The following GTF2E2 variants were observed in gnomAD, a reference collection of about 807,000 sequenced individuals.
The protein encoded by GTF2E2 is general transcription factor IIE subunit 2, also known as transcription initiation factor IIE subunit beta.
In GTF2E2, 21 loss-of-function variants were observed where a neutral mutation model predicts 40.5. The observed-to-expected ratio is 0.52, with a 90% CI of 0.37 to 0.75. The LOEUF (loss-of-function observed/expected upper bound fraction) is 0.75, where lower values mean the gene tolerates loss of function less well. Among genes scored for constraint, GTF2E2 ranks in the 30% least tolerant of loss-of-function variants. The pLI, the probability that GTF2E2 is intolerant of heterozygous loss-of-function variation, is 0.00. For missense variants in GTF2E2, 298 were observed against 338.4 expected (o/e 0.88, Z 0.94); for synonymous variants, 117 against 121.6 (o/e 0.96, Z 0.25).
intron 3 of GTF2E2, among the ~76,000 whole-genome samples, chr8:30,628,782 T>G (rs1445194379): frequency 6.6e-6 from 1 of 151,818 alleles, no homozygotes; most frequent in African/African-American, 2.4e-5. Flanking sequence ...ATACAAAAAA[T>G]TAGCCGGGTG....
chr8:30,608,908 C>T (rs1255927368), intron 5 of GTF2E2, among the ~76,000 whole-genome samples: 1 of 152,168 alleles, frequency 6.6e-6, no homozygotes, highest in Non-Finnish European at 1.5e-5. Context: ...GCCACCACGC[C>T]CGGCTAATTT....
At chr8:30,639,449 C>T (rs1433722391) in intron 2 of GTF2E2, among the ~76,000 whole-genome samples, 1 of 152,086 alleles carries the variant, frequency 6.6e-6, no homozygotes. Context: ...AACTGATCCT[C>T]AAAATAAATA....
chr8:30,584,164 T>C (rs552049096), intron 6 of GTF2E2, among the ~76,000 whole-genome samples: 1 of 151,650 alleles, frequency 6.6e-6, no homozygotes, highest in African/African-American at 2.4e-5. Context: ...AAGATTTCCT[T>C]CATGTTGGTT....
chr8:30,629,304 T>A (rs1351552940), intron 3 of GTF2E2, among the ~76,000 whole-genome samples: 2 of 152,052 alleles, frequency 1.3e-5, no homozygotes, highest in African/African-American at 4.8e-5. Flanking sequence ...GACTCCAGAG[T>A]TTCTAAATTC....
At chr8:30,640,868 C>T (rs1016022703) in intron 2 of GTF2E2, among the ~76,000 whole-genome samples, 3 of 152,270 alleles carry the variant, frequency 2.0e-5, no homozygotes, top group Admixed American at 1.3e-4. Flanking sequence ...CCACAACTGG[C>T]TAATTTTTGT....
In GTF2E2 at chr8:30,653,538, C is replaced by T; in HGVS notation, c.61G>A (p.Val21Ile). The change falls in exon 2 of 8, where the codon GTA (valine) becomes ATA (isoleucine). Residue 21 changes from valine to isoleucine, a missense_variant. Physicochemically the swap from Val to Ile is conservative, Grantham distance 29 (BLOSUM62 3). Transcript: ENST00000355904. ...LFKKRALSTP[V>I]VEKRSASSES... ...GAAGATGCTGAACGTTTTTCTACTA[C>T]AGGAGTAGAAAGAGCTCGTTTTTTG... is the stretch of plus-strand genomic sequence containing the variant. 1 of 1,613,238 alleles carries T rather than the reference C, an allele frequency of 6.2e-7. No homozygotes were observed. Among genetic ancestry groups the T allele is most frequent in the Non-Finnish European group, 8.5e-7 (1 of 1,179,274 alleles).
At chr8:30,644,189 A>C (rs955203777) in intron 2 of GTF2E2, among the ~76,000 whole-genome samples, 1 of 152,212 alleles carries the variant, frequency 6.6e-6, no homozygotes, top group Non-Finnish European at 1.5e-5. Context: ...AACAGTCCCC[A>C]TTTAAGAGCT....
intron 3 of GTF2E2, among the ~76,000 whole-genome samples, chr8:30,625,778 TA>T (rs1801254266): frequency 6.6e-6 from 1 of 152,148 alleles, no homozygotes. Flanking sequence ...TTTGTATTTT[TA>T]TTAGAGACGG....
At chr8:30,641,342 T>C (rs2978263) in intron 2 of GTF2E2, among the ~76,000 whole-genome samples, 121,619 of 152,096 alleles carry the variant, frequency 0.8, 49,149 homozygotes, top group African/African-American at 0.89. Context: ...TACCTATAGT[T>C]ATTATTAAAA....
At position 30,614,713 on chromosome 8, in the gene GTF2E2, T is replaced by A; in HGVS notation, c.261A>T (p.Thr87=). ...VLAKIVNYMK[T]RHQRGDTHPL... ...GATGCGTATCTCCTCGCTGATGCCG[T>A]GTCTATCAAGTGAAGAAATTGTTAT... is the stretch of plus-strand genomic sequence containing the variant. The change falls in exon 4 of 8, where the codon ACA becomes ACT. Residue 87 remains threonine (T), a splice_region_variant and synonymous_variant. Transcript: ENST00000355904. The A allele has an allele frequency of 6.4e-7, 1 of 1,573,620 alleles. No individual in the cohort carries two copies. Among genetic ancestry groups the A allele is most frequent in the Non-Finnish European group, 8.7e-7 (1 of 1,145,956 alleles).
At chr8:30,638,510 TG>T (rs1801687487) in intron 2 of GTF2E2, 1 of 152,592 alleles carries the variant, frequency 6.6e-6, no homozygotes, top group Non-Finnish European at 1.5e-5. Flanking sequence ...TTAATGCAAA[TG>T]AACATAGAGG....
intron 3 of GTF2E2, among the ~76,000 whole-genome samples, chr8:30,630,503 T>C (rs73670156): frequency 6.6e-6 from 1 of 152,364 alleles, no homozygotes; most frequent in African/African-American, 2.4e-5. Flanking sequence ...TTTTGCTTTC[T>C]TTCTAAAGGT....
At chr8:30,635,200 C>T in intron 2 of GTF2E2, 77 bp from the exon 3 acceptor site, 2 of 775,978 alleles carry the variant, frequency 2.6e-6, no homozygotes, top group Non-Finnish European at 4.4e-6. Context: ...AATTTTAATG[C>T]TGGTAACATA....
At chr8:30,650,009 T>A (rs1201463771) in intron 2 of GTF2E2, among the ~76,000 whole-genome samples, 1 of 152,134 alleles carries the variant, frequency 6.6e-6, no homozygotes, top group Non-Finnish European at 1.5e-5. Context: ...CACCAGTGAA[T>A]TCTATCAAAC....
chr8:30,655,666 T>C (rs916787389), intron 1 of GTF2E2, among the ~76,000 whole-genome samples: 1 of 152,224 alleles, frequency 6.6e-6, no homozygotes, highest in Non-Finnish European at 1.5e-5. Context: ...GTCTACATGC[T>C]GCTTAGATTT....
chr8:30,587,938 T>C (rs995914937), intron 6 of GTF2E2, among the ~76,000 whole-genome samples: 3 of 148,262 alleles, frequency 2.0e-5, no homozygotes, highest in African/African-American at 7.5e-5. Flanking sequence ...TTGCTAATCA[T>C]TAGGGAAATA....
chr8:30,623,687 G>T (rs1209563175), intron 3 of GTF2E2, among the ~76,000 whole-genome samples: 1 of 151,910 alleles, frequency 6.6e-6, no homozygotes, highest in Non-Finnish European at 1.5e-5. Context: ...GTTGTTTCCT[G>T]ACTTTTTAAT....
intron 3 of GTF2E2, among the ~76,000 whole-genome samples, chr8:30,629,479 G>C (rs1801376511): frequency 6.6e-6 from 1 of 152,052 alleles, no homozygotes; most frequent in South Asian, 2.1e-4. Flanking sequence ...AAGGTCAGGA[G>C]ATCCAGACCA....
chr8:30,605,981 G>C (rs1433064201), intron 6 of GTF2E2, among the ~76,000 whole-genome samples: 3 of 152,062 alleles, frequency 2.0e-5, no homozygotes, highest in Non-Finnish European at 4.4e-5. Context: ...TCAAAAGCAA[G>C]AAATATAAAA....
Sources: gnomAD v4.1 joint callset for allele counts (sites outside exome capture counted in the v4.1 genomes callset) on GRCh38, gnomAD v4.1.1 for gene constraint, MANE v1.5 for transcripts, NCBI Gene and HGNC (gene_info 2026-07-23, HGNC 2026-07-21) for gene names.